The following ROBO1 variants were observed in gnomAD, a reference collection of about 807,000 sequenced individuals.
The protein encoded by ROBO1 is roundabout homolog 1.
In ROBO1, 149 loss-of-function variants were observed where a neutral mutation model predicts 195.9. That is an observed-to-expected ratio of 0.76 (90% confidence interval 0.67 to 0.87). The LOEUF (loss-of-function observed/expected upper bound fraction) is 0.87. Ranked by LOEUF, ROBO1 falls within the 40% of genes least tolerant of loss-of-function variation. The pLI, the probability that ROBO1 is intolerant of heterozygous loss-of-function variation, is 0.00. For missense variants in ROBO1, 1,933 were observed against 2,068.3 expected (o/e 0.93, Z 1.27); for synonymous variants, 816 against 733.2 (o/e 1.11, Z -1.82).
intron 1 of ROBO1, among the ~76,000 whole-genome samples, chr3:79,617,299 AT>A (rs974518074): frequency 1.3e-5 from 2 of 152,140 alleles, no homozygotes; most frequent in Non-Finnish European, 2.9e-5. Context: ...TCACAACCAA[AT>A]AAAAATACTT....
chr3:78,752,294 A>G (rs980987994), intron 4 of ROBO1, among the ~76,000 whole-genome samples: 1 of 152,188 alleles, frequency 6.6e-6, no homozygotes, highest in Admixed American at 6.5e-5. Context: ...TTCATTTAAC[A>G]CATCTGCACT....
At chr3:79,035,448 G>A (rs2078365769) in intron 3 of ROBO1, among the ~76,000 whole-genome samples, 1 of 152,146 alleles carries the variant, frequency 6.6e-6, no homozygotes, top group Non-Finnish European at 1.5e-5. Flanking sequence ...AACTGGGTGA[G>A]GTGGCTCATG....
intron 4 of ROBO1, among the ~76,000 whole-genome samples, chr3:78,836,398 G>A (rs1274681531): frequency 6.6e-6 from 1 of 151,538 alleles, no homozygotes; most frequent in Non-Finnish European, 1.5e-5. Context: ...TGTAGTCCCA[G>A]CTACTCGGGA....
intron 2 of ROBO1, among the ~76,000 whole-genome samples, chr3:79,167,666 C>G (rs1455677653): frequency 6.6e-6 from 1 of 152,184 alleles, no homozygotes; most frequent in African/African-American, 2.4e-5. Flanking sequence ...CATCTCACAT[C>G]TTTGTTCCAG....
At chr3:79,301,959 G>GT (rs771860548) in intron 2 of ROBO1, among the ~76,000 whole-genome samples, 13 of 152,126 alleles carry the variant, frequency 8.5e-5, no homozygotes, top group Admixed American at 6.6e-4. Flanking sequence ...GACTGTATGT[G>GT]TTCTACCCAC....
At chr3:79,456,785 C>T (rs955779515) in intron 2 of ROBO1, among the ~76,000 whole-genome samples, 1 of 152,080 alleles carries the variant, frequency 6.6e-6, no homozygotes, top group Non-Finnish European at 1.5e-5. Flanking sequence ...TTTTACATGT[C>T]ATTTTAATCC....
chr3:79,620,895 T>C (rs531001592), intron 1 of ROBO1, among the ~76,000 whole-genome samples: 2 of 152,168 alleles, frequency 1.3e-5, no homozygotes, highest in African/African-American at 4.8e-5. Flanking sequence ...CTTACAACTC[T>C]CCTGTCCTAC....
chr3:79,580,707 A>G (rs762178245), intron 2 of ROBO1, among the ~76,000 whole-genome samples: 4 of 152,072 alleles, frequency 2.6e-5, no homozygotes, highest in Non-Finnish European at 4.4e-5. Flanking sequence ...CCGCACACCC[A>G]TATATTGTGA....
At chr3:79,604,478 T>C (rs954940679) in intron 1 of ROBO1, among the ~76,000 whole-genome samples, 2 of 152,076 alleles carry the variant, frequency 1.3e-5, no homozygotes, top group African/African-American at 4.8e-5. Context: ...ACTTGGTTCT[T>C]TGTTATTCTA....
At chr3:79,516,132 T>A (rs991489574) in intron 2 of ROBO1, among the ~76,000 whole-genome samples, 3 of 152,174 alleles carry the variant, frequency 2.0e-5, no homozygotes, top group Non-Finnish European at 2.9e-5. Flanking sequence ...ATACCTTAAA[T>A]TTTTCACTGC....
chr3:79,573,258 T>C (rs568251835), intron 2 of ROBO1, among the ~76,000 whole-genome samples: 11 of 152,216 alleles, frequency 7.2e-5, no homozygotes, highest in Admixed American at 6.6e-4. Context: ...ATCTTGCCCA[T>C]GCTGGCTGGT....
chr3:79,449,154 C>T (rs551734328), intron 2 of ROBO1, among the ~76,000 whole-genome samples: 1 of 152,156 alleles, frequency 6.6e-6, no homozygotes, highest in South Asian at 2.1e-4. Context: ...TTGCTTGAAG[C>T]CAAGGTTGTT....
intron 4 of ROBO1, among the ~76,000 whole-genome samples, chr3:78,936,565 T>G (rs1375943728): frequency 6.6e-6 from 1 of 152,090 alleles, no homozygotes; most frequent in South Asian, 2.1e-4. Flanking sequence ...TGAATATGTA[T>G]GGTCTTTTTT....
At chr3:79,738,307 G>T (rs1703475245) in intron 1 of ROBO1, among the ~76,000 whole-genome samples, 1 of 152,198 alleles carries the variant, frequency 6.6e-6, no homozygotes, top group African/African-American at 2.4e-5. Context: ...AAATTAACTA[G>T]TGTCTTAAAA....
At chr3:79,220,858 T>C (rs906354183) in intron 2 of ROBO1, among the ~76,000 whole-genome samples, 3 of 152,058 alleles carry the variant, frequency 2.0e-5, no homozygotes, top group Non-Finnish European at 2.9e-5. Context: ...CTCAGCCTTA[T>C]TGACATTTTG....
At chr3:79,613,747 C>A (rs1462633093) in intron 1 of ROBO1, among the ~76,000 whole-genome samples, 1 of 151,994 alleles carries the variant, frequency 6.6e-6, no homozygotes, top group Non-Finnish European at 1.5e-5. Context: ...AGGTAACTAT[C>A]TTTAGACTGA....
At chr3:79,328,742 T>C (rs534265559) in intron 2 of ROBO1, among the ~76,000 whole-genome samples, 3 of 152,196 alleles carry the variant, frequency 2.0e-5, no homozygotes, top group East Asian at 3.9e-4. Context: ...GAGTACACTG[T>C]ACCCAACGTG....
At chr3:79,319,543 T>C (rs966315151) in intron 2 of ROBO1, among the ~76,000 whole-genome samples, 2 of 152,154 alleles carry the variant, frequency 1.3e-5, no homozygotes, top group South Asian at 2.1e-4. Context: ...ATATAATTAA[T>C]GCATTAAAAC....
chr3:79,242,656 C>A (rs1479565537), intron 2 of ROBO1, among the ~76,000 whole-genome samples: 1 of 152,120 alleles, frequency 6.6e-6, no homozygotes, highest in Non-Finnish European at 1.5e-5. Context: ...CCATCTATAA[C>A]TTTCTTTTTG....
Sources: allele counts gnomAD v4.1 joint callset (sites outside exome capture counted in the v4.1 genomes callset), GRCh38; gene constraint gnomAD v4.1.1; transcripts MANE v1.5; gene names NCBI Gene and HGNC (gene_info 2026-07-23, HGNC 2026-07-21).